Variants in BEST3 observed in about 807,000 individuals in gnomAD.
The protein encoded by BEST3 is bestrophin 3, also known as bestrophin-3.
Under a neutral mutation model 47.1 loss-of-function variants are expected in BEST3, and 50 were observed. The observed-to-expected ratio is 1.06, with a 90% CI of 0.85 to 1.34. The LOEUF is 1.34. Ranked by LOEUF, BEST3 falls within the 40% of genes most tolerant of loss-of-function variation. The probability of loss-of-function intolerance (pLI) is 0.00; values close to 1 mark genes in which losing one functional copy is unlikely to be tolerated. For missense variants in BEST3, 765 were observed against 817.0 expected (o/e 0.94, Z 0.78); for synonymous variants, 282 against 298.8 (o/e 0.94, Z 0.58).
chr12:69,668,850 G>C (rs1205807207), intron 9 of BEST3, among the ~76,000 whole-genome samples: 1 of 152,200 alleles, frequency 6.6e-6, no homozygotes, highest in South Asian at 2.1e-4. Flanking sequence ...AGTTTCAAGA[G>C]TTGGAAAAGA....
chr12:69,681,134 T>G (rs1885231607), intron 4 of BEST3, among the ~76,000 whole-genome samples: 1 of 152,164 alleles, frequency 6.6e-6, no homozygotes, highest in Non-Finnish European at 1.5e-5. Context: ...TTTTCTGAAT[T>G]AAAACTTACT....
rs1251652625 is a variant in BEST3, at chr12:69,654,049, A to G, written c.*858T>C. ...TGGCTGCAAGGGCACGGGGGGAACC[A>G]TCACTCCTATATGCCTTCCACTGGA... On this transcript the variant is annotated 3_prime_UTR_variant, in exon 10 of 10. Transcript: ENST00000330891. The G allele has an allele frequency of 1.0e-6, 1 of 985,332 alleles. No individual in the cohort carries two copies. The highest frequency in any genetic ancestry group is 1.7e-5 in the African/African-American group (1 of 57,240). 61.0% of individuals were successfully genotyped at this position (985,332 alleles called of 1,614,324 possible).
intron 4 of BEST3, chr12:69,684,543 A>G (rs1885444526): frequency 3.0e-6 from 2 of 671,954 alleles, no homozygotes; most frequent in South Asian, 3.2e-5. Context: ...AGGCTCTATT[A>G]GCAGAGGAAC....
chr12:69,652,997 C>G (rs536722766), downstream of BEST3, among the ~76,000 whole-genome samples: 1 of 152,304 alleles, frequency 6.6e-6, no homozygotes, highest in Admixed American at 6.5e-5. Context: ...AGCATTTCCT[C>G]TAATATTATT....
At chr12:69,689,832 T>G (rs964520337) in intron 4 of BEST3, among the ~76,000 whole-genome samples, 2 of 152,224 alleles carry the variant, frequency 1.3e-5, no homozygotes, top group Non-Finnish European at 2.9e-5. Context: ...CTCAAAGCTC[T>G]TCTTTGTAAT....
chr12:69,678,745 C>T lies in BEST3; in HGVS notation c.630G>A (p.Leu210=). 1.2e-6 allele frequency: 2 copies of T among 1,613,832 alleles called. No homozygotes were observed. Among genetic ancestry groups the T allele is most frequent in the Non-Finnish European group, 1.7e-6 (2 of 1,179,876 alleles). Reference sequence around the variant, plus strand: ...TGATTTATGATATACTTACAGTCATCAATGATTGCAGATCAACACTGTCTC... The same window carrying T: ...TGATTTATGATATACTTACAGTCATTAATGATTGCAGATCAACACTGTCTC... The part of the protein sequence containing the change: ...RIRDSVDLQS[L]MTEMNRYRSW... Residue 210 remains leucine, a synonymous_variant, in exon 5 of 10, where the codon TTG becomes TTA. Coordinates refer to ENST00000330891, the MANE Select transcript of BEST3 (RefSeq NM_032735.3).
At chr12:69,677,090 G>A (rs1211325813) in intron 6 of BEST3, 22 bp from the exon 7 acceptor site, 7 of 1,614,048 alleles carry the variant, frequency 4.3e-6, no homozygotes, top group Non-Finnish European at 5.9e-6. Context: ...AGAGACCAGA[G>A]TGAGGGGACA....
chr12:69,648,847 G>A (rs11613497), downstream of BEST3, among the ~76,000 whole-genome samples: 2,203 of 152,250 alleles, frequency 0.014, 32 homozygotes, highest in Non-Finnish European at 0.024. Context: ...CTACAAAAAA[G>A]TCCTTTCTAC....
At chr12:69,689,081 G>C in intron 4 of BEST3, 1 of 985,402 alleles carries the variant, frequency 1.0e-6, no homozygotes, top group Non-Finnish European at 1.2e-6. Flanking sequence ...AGTCCTCTCT[G>C]CCCTCAGGCA....
intron 4 of BEST3, among the ~76,000 whole-genome samples, chr12:69,680,394 T>C (rs940426350): frequency 8.1e-5 from 12 of 148,282 alleles, no homozygotes; most frequent in Non-Finnish European, 1.6e-4. Context: ...CTGCAAGCTC[T>C]GCCTCCAGGG....
chr12:69,668,165 T>A (rs1468857063), intron 9 of BEST3, among the ~76,000 whole-genome samples: 1 of 152,220 alleles, frequency 6.6e-6, no homozygotes. Flanking sequence ...ACTTTTGCTC[T>A]GTTCTTGAAG....
In BEST3 at chr12:69,655,257, A is replaced by G. The variant is rs1243009423; in HGVS notation, c.1657T>C (p.Ser553Pro). ...QGPMGSILSP[S>P]EKETPPGGPS... ...CCTCCAGGAGGTGTCTCCTTCTCTG[A>G]GGGAGACAGGATGGATCCCATGGGG... The change falls in exon 10 of 10, where the codon TCA becomes CCA. Residue 553 changes from serine (S) to proline (P), a missense_variant. Coordinates refer to ENST00000330891, the MANE Select transcript of BEST3 (RefSeq NM_032735.3). 1 of 1,614,092 alleles carries G rather than the reference A, an allele frequency of 6.2e-7. No individual in the cohort carries two copies. Among genetic ancestry groups the G allele is most frequent in the East Asian group, 2.2e-5 (1 of 44,876 alleles).
Position 69,655,311 on chromosome 12 carries a change from G to A in BEST3, c.1603C>T (p.Gln535Ter), listed in dbSNP as rs777657968. 1.9e-6 allele frequency: 3 copies of A among 1,614,150 alleles called. No homozygotes were observed. The highest frequency in any genetic ancestry group is 8.5e-7 in the Non-Finnish European group (1 of 1,180,032). ...SILSSEFTGV[Q>*]PSKTEQQQGP... is the part of the protein sequence containing the mutation. ...TGCTGCTGCTCAGTCTTGCTTGGCT[G>A]AACCCCTGTAAACTCAGAGCTCAAG... Residue 535 changes from glutamine to a stop codon, truncating the protein, a stop_gained, in exon 10 of 10, where the codon CAG (glutamine) becomes TAG (stop). Coordinates refer to ENST00000330891, the MANE Select transcript of BEST3 (RefSeq NM_032735.3). LOFTEE classifies it low-confidence loss of function (END_TRUNC).
At position 69,671,429 on chromosome 12, in the gene BEST3, C is replaced by A. The variant is rs1462531581; in HGVS notation, c.1099G>T (p.Gly367Trp). The A allele has an allele frequency of 3.7e-6, 6 of 1,609,702 alleles. No individual in the cohort carries two copies. The highest frequency in any genetic ancestry group is 5.1e-6 in the Non-Finnish European group (6 of 1,177,652). ...PSFLGSTVQM[G>W]LSGSDFPDEE... ...GAGATTTTTTAAAAATGCACTTACCCCATCTGGACTGTTGACCCCAGAAAT... is the reference window on the plus strand; with the variant it reads ...GAGATTTTTTAAAAATGCACTTACCACATCTGGACTGTTGACCCCAGAAAT... Residue 367 changes from glycine (G) to tryptophan (W), a missense_variant and splice_region_variant, in exon 9 of 10, where the codon GGG (glycine) becomes TGG (tryptophan). Gly to Trp is a radical substitution (Grantham distance 184, BLOSUM62 -2). Coordinates refer to ENST00000330891, the MANE Select transcript of BEST3 (RefSeq NM_032735.3).
At chr12:69,662,769 T>C (rs1209313996) in intron 9 of BEST3, among the ~76,000 whole-genome samples, 3 of 152,192 alleles carry the variant, frequency 2.0e-5, no homozygotes, top group African/African-American at 7.2e-5. Context: ...TTATTATATA[T>C]GTGAGAACAT....
downstream of BEST3, chr12:69,653,478 G>A (rs953232024): frequency 1.0e-5 from 3 of 299,436 alleles, no homozygotes; most frequent in African/African-American, 4.5e-5. Context: ...GTCACTTCTC[G>A]GCTATGTGAT....
intron 2 of BEST3, 87 bp from the exon 3 acceptor site, chr12:69,694,551 C>G (rs1886064428): frequency 1.8e-6 from 1 of 561,530 alleles, no homozygotes; most frequent in East Asian, 3.5e-5. Context: ...AACAATTAAG[C>G]ACAAATAATC....
In BEST3 at chr12:69,693,828, G is replaced by A; in HGVS notation, c.327C>T (p.Leu109=). Residue 109 remains leucine, a synonymous_variant, in exon 4 of 10, where the codon CTC becomes CTT. Coordinates refer to ENST00000330891, the MANE Select transcript of BEST3 (RefSeq NM_032735.3). ...NLPWPDRLMF[L]ISSSVHGSDE... ...CGCTTCCGTGAACACTGCTAGAGAT[G>A]AGGAACATTAGCCTGTCTGGCCAGG... 2 of 1,614,088 alleles carry A rather than the reference G, an allele frequency of 1.2e-6. No individual in the cohort carries two copies. The highest frequency in any genetic ancestry group is 2.7e-5 in the African/African-American group (2 of 75,038).
At chr12:69,691,211 G>A (rs1426408024) in intron 4 of BEST3, among the ~76,000 whole-genome samples, 2 of 152,172 alleles carry the variant, frequency 1.3e-5, no homozygotes, top group East Asian at 1.9e-4. Context: ...CACTTACTGT[G>A]TGCCAGGAAT....
Sources: allele counts gnomAD v4.1 joint callset (sites outside exome capture counted in the v4.1 genomes callset), GRCh38; gene constraint gnomAD v4.1.1; transcripts MANE v1.5; gene names NCBI Gene and HGNC (gene_info 2026-07-23, HGNC 2026-07-21).